STARD13: variants seen among roughly 807,000 people sequenced by gnomAD.
STARD13 encodes the protein StAR related lipid transfer domain containing 13.
Under a neutral mutation model 106.4 loss-of-function variants are expected in STARD13, and 62 were observed. The ratio of observed to expected loss-of-function variants is 0.58; its 90% CI spans 0.48 to 0.72. The LOEUF is 0.72. Among genes scored for constraint, STARD13 ranks in the 30% least tolerant of loss-of-function variants. STARD13 has a pLI of 0.00. For missense variants in STARD13, 1,387 were observed against 1,424.0 expected, an observed-to-expected ratio of 0.97 and a Z score of 0.42; for synonymous variants, 565 against 553.0, an observed-to-expected ratio of 1.02 and a Z score of -0.31.
intron 4 of STARD13, among the ~76,000 whole-genome samples, chr13:33,133,414 C>T (rs1392428042): frequency 2.6e-5 from 4 of 151,672 alleles, no homozygotes; most frequent in Non-Finnish European, 5.9e-5. Flanking sequence ...GTTGTTTGAA[C>T]CAAAGCAAAC....
chr13:33,214,030 G>A (rs558013314), intron 1 of STARD13, among the ~76,000 whole-genome samples: 43 of 152,172 alleles, frequency 2.8e-4, no homozygotes, highest in East Asian at 1.5e-3. Context: ...CACCTCTCCC[G>A]GCCTCACCCA....
chr13:33,515,202 G>A, the STARD13 span, among the ~76,000 whole-genome samples: 1 of 152,184 alleles, frequency 6.6e-6, no homozygotes, highest in East Asian at 1.9e-4. Flanking sequence ...TCCAATGTGT[G>A]AGAAAACCCT....
chr13:33,450,661 C>T, the STARD13 span, among the ~76,000 whole-genome samples: 1 of 152,018 alleles, frequency 6.6e-6, no homozygotes, highest in South Asian at 2.1e-4. Flanking sequence ...TTTAGATATA[C>T]AAGACATAAT....
At chr13:33,571,134 T>C in the STARD13 span, among the ~76,000 whole-genome samples, 1 of 152,124 alleles carries the variant, frequency 6.6e-6, no homozygotes, top group African/African-American at 2.4e-5. Context: ...TTACTGGGCA[T>C]GTGTCAGACT....
chr13:33,199,293 C>T (rs1428895779), intron 1 of STARD13, among the ~76,000 whole-genome samples: 1 of 152,202 alleles, frequency 6.6e-6, no homozygotes, highest in African/African-American at 2.4e-5. Flanking sequence ...CAAGACGTGA[C>T]TGTAATATTC....
the STARD13 span, among the ~76,000 whole-genome samples, chr13:33,581,516 T>C: frequency 6.6e-6 from 1 of 152,214 alleles, no homozygotes; most frequent in African/African-American, 2.4e-5. Context: ...TAGGATTTTA[T>C]TTCTGTTGCA....
intron 1 of STARD13, among the ~76,000 whole-genome samples, chr13:33,186,551 C>T (rs1005274810): frequency 2.0e-5 from 3 of 152,150 alleles, no homozygotes; most frequent in Admixed American, 6.5e-5. Context: ...TCCTTTTCCT[C>T]GGTACGAAAA....
chr13:33,235,619 T>C (rs1385878625), intron 1 of STARD13, among the ~76,000 whole-genome samples: 2 of 152,266 alleles, frequency 1.3e-5, no homozygotes, highest in East Asian at 1.9e-4. Flanking sequence ...GAAACAGAGT[T>C]ACCAGAAAAG....
chr13:33,163,714 T>TATATATATAACATATATATAAAAC (rs1882997087), intron 3 of STARD13, among the ~76,000 whole-genome samples: 1 of 134,710 alleles, frequency 7.4e-6, no homozygotes, highest in Non-Finnish European at 1.6e-5. Context: ...ATATAAAACA[T>TATATATATAACATATATATAAAAC]ATATATAACA....
chr13:33,493,859 C>T, the STARD13 span, among the ~76,000 whole-genome samples: 1 of 152,116 alleles, frequency 6.6e-6, no homozygotes, highest in Non-Finnish European at 1.5e-5. Context: ...GTTGGCTGCA[C>T]CCAAGGTCAA....
chr13:33,604,551 A>G, the STARD13 span, among the ~76,000 whole-genome samples: 1 of 152,134 alleles, frequency 6.6e-6, no homozygotes, highest in Non-Finnish European at 1.5e-5. Flanking sequence ...AATTCCAGCA[A>G]TTTGGGAGGC....
chr13:33,350,502 G>A, exon 1 of STARD13: 1 of 1,462,794 alleles, frequency 6.8e-7, no homozygotes, highest in Non-Finnish European at 9.1e-7. Context: ...TGGAAAGGAC[G>A]GACGCGGCAC....
chr13:33,444,929 T>A, the STARD13 span, among the ~76,000 whole-genome samples: 2 of 152,372 alleles, frequency 1.3e-5, no homozygotes, highest in East Asian at 3.9e-4. Flanking sequence ...GTATTTATTT[T>A]ATGATAAGGC....
At chr13:33,122,683 G>A (rs1593887698) in intron 7 of STARD13, among the ~76,000 whole-genome samples, 1 of 152,138 alleles carries the variant, frequency 6.6e-6, no homozygotes, top group African/African-American at 2.4e-5. Flanking sequence ...AAGATAAAAG[G>A]CGAGTGATGA....
the STARD13 span, among the ~76,000 whole-genome samples, chr13:33,399,320 G>C: frequency 2.0e-5 from 3 of 152,134 alleles, no homozygotes; most frequent in African/African-American, 7.2e-5. Context: ...TGGTTACCAG[G>C]GGATGGGGTG....
chr13:33,276,496 T>C (rs1042667441), intron 1 of STARD13, among the ~76,000 whole-genome samples: 18 of 152,216 alleles, frequency 1.2e-4, no homozygotes, highest in African/African-American at 4.3e-4. Context: ...TTACATATTA[T>C]ACATAATTTC....
the STARD13 span, among the ~76,000 whole-genome samples, chr13:33,459,039 G>A: frequency 9.2e-5 from 14 of 151,894 alleles, no homozygotes; most frequent in East Asian, 1.4e-3. Flanking sequence ...ACCTGTGCCC[G>A]GCCTATTATT....
At chr13:33,458,144 C>T in the STARD13 span, among the ~76,000 whole-genome samples, 1 of 152,098 alleles carries the variant, frequency 6.6e-6, no homozygotes, top group Admixed American at 6.5e-5. Context: ...AAAAACAAAA[C>T]TCAAAAAGTG....
At chr13:33,471,762 T>C in the STARD13 span, among the ~76,000 whole-genome samples, 1 of 152,002 alleles carries the variant, frequency 6.6e-6, no homozygotes, top group Non-Finnish European at 1.5e-5. Context: ...CTGAGAAACG[T>C]TTAAGGATCC....
Sources: gnomAD v4.1 joint callset for allele counts (sites outside exome capture counted in the v4.1 genomes callset) on GRCh38, gnomAD v4.1.1 for gene constraint, MANE v1.5 for transcripts, NCBI Gene and HGNC (gene_info 2026-07-23, HGNC 2026-07-21) for gene names.